ZBTB20: variants seen among roughly 807,000 people sequenced by gnomAD.
ZBTB20 encodes the protein zinc finger and BTB domain-containing protein 20.
Under a neutral mutation model 56.9 loss-of-function variants are expected in ZBTB20, and 9 were observed. The ratio of observed to expected loss-of-function variants is 0.16; its 90% confidence interval spans 0.10 to 0.28. ZBTB20 has a LOEUF of 0.28. Ranked by LOEUF, ZBTB20 falls within the 10% of genes least tolerant of loss-of-function variation. The pLI, the probability that ZBTB20 is intolerant of heterozygous loss-of-function variation, is 1.00. For missense variants in ZBTB20, 655 were observed against 1,003.0 expected (o/e 0.65, Z 4.69); for synonymous variants, 417 against 420.7 (o/e 0.99, Z 0.11).
chr3:114,767,810 A>C (rs2068889480), intron 5 of ZBTB20, among the ~76,000 whole-genome samples: 1 of 152,108 alleles, frequency 6.6e-6, no homozygotes, highest in Non-Finnish European at 1.5e-5. Flanking sequence ...TTCTTTCTCC[A>C]GCTGATGCTC....
intron 4 of ZBTB20, among the ~76,000 whole-genome samples, chr3:114,842,599 G>C (rs1171117987): frequency 6.6e-6 from 1 of 151,886 alleles, no homozygotes; most frequent in Non-Finnish European, 1.5e-5. Context: ...GACACCAAGG[G>C]CATACCTAAC....
At chr3:115,071,926 A>G (rs1169606290) in intron 1 of ZBTB20, among the ~76,000 whole-genome samples, 1 of 152,182 alleles carries the variant, frequency 6.6e-6, no homozygotes, top group Non-Finnish European at 1.5e-5. Flanking sequence ...GCAGCTGGTC[A>G]TGCATGCCAG....
intron 2 of ZBTB20, among the ~76,000 whole-genome samples, chr3:115,060,265 A>T (rs1271898872): frequency 6.6e-6 from 1 of 152,206 alleles, no homozygotes; most frequent in East Asian, 1.9e-4. Context: ...TCATATTATC[A>T]TGTCCATGTA....
intron 1 of ZBTB20, among the ~76,000 whole-genome samples, chr3:115,086,670 G>C (rs2108559056): frequency 6.6e-6 from 1 of 151,832 alleles, no homozygotes; most frequent in South Asian, 2.1e-4. Context: ...TTTATATGAA[G>C]GTCCTCTACC....
At chr3:114,633,685 T>TAA (rs2059093280) in intron 6 of ZBTB20, among the ~76,000 whole-genome samples, 4 of 152,174 alleles carry the variant, frequency 2.6e-5, no homozygotes, top group Non-Finnish European at 5.9e-5. Context: ...TGTCCTTTTC[T>TAA]ACTTGCACTG....
chr3:114,880,355 G>C (rs1013343363), intron 4 of ZBTB20, among the ~76,000 whole-genome samples: 1 of 152,048 alleles, frequency 6.6e-6, no homozygotes, highest in Admixed American at 6.6e-5. Flanking sequence ...ACTTACCTCT[G>C]CTTGACCTCT....
chr3:115,076,591 T>C (rs781058367), intron 1 of ZBTB20, among the ~76,000 whole-genome samples: 10 of 152,114 alleles, frequency 6.6e-5, no homozygotes, highest in Admixed American at 2.0e-4. Context: ...ACTAAAACTT[T>C]TAGAATAAAA....
intron 7 of ZBTB20, among the ~76,000 whole-genome samples, chr3:114,393,233 AACTT>A (rs74391516): frequency 0.45 from 67,727 of 151,770 alleles, 15,294 homozygotes; most frequent in African/African-American, 0.51. Context: ...CACCAGATAG[AACTT>A]ACTTCTCCTT....
chr3:115,111,642 C>T (rs2083887135), intron 1 of ZBTB20, among the ~76,000 whole-genome samples: 1 of 152,084 alleles, frequency 6.6e-6, no homozygotes. Context: ...TATTTGATAA[C>T]ATAAAATAAT....
At position 114,321,008 on chromosome 3, in the gene ZBTB20, G is replaced by A. The variant is rs1239443671; in HGVS notation, c.*17997C>T. 1.3e-5 allele frequency: 2 copies of A among 152,160 alleles called. No homozygotes were observed. Among genetic ancestry groups the A allele is most frequent in the African/African-American group, 2.4e-5 (1 of 41,428 alleles). The allele number at this position is 152,160 out of a possible 1,614,324, so 9.4% of individuals were successfully genotyped here. A position where few individuals can be genotyped will look rare whatever the true frequency, so the allele number is the denominator to read the frequency against. On this transcript the variant is annotated 3_prime_UTR_variant, in exon 12 of 12. Coordinates refer to ENST00000675478, the MANE Select transcript of ZBTB20 (RefSeq NM_001348800.3). ...CAAATGGAAATGAAAACAAAATAAA[G>A]TGAACAGGTGGTTGAGCCAGCCAAA...
At chr3:114,783,791 CAA>C (rs5851935) in intron 5 of ZBTB20, among the ~76,000 whole-genome samples, 1,956 of 130,966 alleles carry the variant, frequency 0.015, 47 homozygotes, top group African/African-American at 0.053. Flanking sequence ...GACTCTGCCT[CAA>C]AAAAAAAAAA....
intron 4 of ZBTB20, among the ~76,000 whole-genome samples, chr3:114,845,014 C>T (rs1046923892): frequency 6.6e-6 from 1 of 151,686 alleles, no homozygotes; most frequent in African/African-American, 2.4e-5. Flanking sequence ...CAGTCTGTGG[C>T]TTACCTTTTC....
At chr3:114,664,925 C>T (rs529652470) in intron 6 of ZBTB20, among the ~76,000 whole-genome samples, 1 of 152,036 alleles carries the variant, frequency 6.6e-6, no homozygotes, top group East Asian at 1.9e-4. Flanking sequence ...ATAGCAGAAG[C>T]ACAATTAATT....
chr3:114,435,126 C>A (rs1050057656), intron 7 of ZBTB20, among the ~76,000 whole-genome samples: 1 of 152,066 alleles, frequency 6.6e-6, no homozygotes, highest in African/African-American at 2.4e-5. Context: ...TGGCAAACAG[C>A]CATTCACTCA....
intron 2 of ZBTB20, among the ~76,000 whole-genome samples, chr3:115,058,430 T>C (rs2081893013): frequency 6.6e-6 from 1 of 152,108 alleles, no homozygotes; most frequent in Non-Finnish European, 1.5e-5. Flanking sequence ...TTTAGTCAAA[T>C]TTGAAATATT....
At chr3:114,823,397 T>C (rs931457365) in intron 4 of ZBTB20, among the ~76,000 whole-genome samples, 3 of 152,050 alleles carry the variant, frequency 2.0e-5, no homozygotes, top group Admixed American at 1.3e-4. Flanking sequence ...ATGGGCATAA[T>C]ATGAGCCAGG....
At chr3:114,581,877 T>C (rs901715520) in intron 6 of ZBTB20, among the ~76,000 whole-genome samples, 15 of 152,154 alleles carry the variant, frequency 9.9e-5, no homozygotes, top group Non-Finnish European at 1.0e-4. Context: ...AAGTTCAAAA[T>C]GCATATTTCT....
rs184479760 is a variant in ZBTB20, at chr3:114,702,546, C to T, written c.-342-8971G>A. Among the ~76,000 whole-genome samples the T allele has an allele frequency of 2.0e-3, 297 of 151,900 alleles. 3 individuals are homozygous for T. Among genetic ancestry groups the T allele is most frequent in the African/African-American group, 6.8e-3 (281 of 41,412 alleles). Reference sequence around the variant, plus strand: ...AAAGCTAAACAGTAAATATGTTACACCAGGAGAAAAGGAAACAAAGAACAA... The same window carrying T: ...AAAGCTAAACAGTAAATATGTTACATCAGGAGAAAAGGAAACAAAGAACAA... On this transcript the variant is annotated intron_variant, in intron 5 of 11. Transcript: ENST00000675478.
chr3:114,415,992 TAC>T lies in ZBTB20; in HGVS notation c.-254-26889_-254-26888del, dbSNP rs543629935. Among the ~76,000 whole-genome samples, 9 of 152,164 alleles carry T rather than the reference TAC, an allele frequency of 5.9e-5. No homozygotes were observed. In the East Asian group the frequency reaches 1.4e-3, roughly 23 times the overall value. On this transcript the variant is annotated intron_variant, in intron 7 of 11. Transcript: ENST00000675478. ...CAACATTCAGTTGGGATATGAAAAT[TAC>T]AGATATTTTTTTCCTCTTCACTTTT...
Sources: allele counts gnomAD v4.1 joint callset (sites outside exome capture counted in the v4.1 genomes callset), GRCh38; gene constraint gnomAD v4.1.1; transcripts MANE v1.5; gene names NCBI Gene and HGNC (gene_info 2026-07-23, HGNC 2026-07-21).